Variants in MYO6 observed in about 807,000 individuals in gnomAD.
MYO6 encodes the protein myosin VI, also known as unconventional myosin-VI.
Under a neutral mutation model 178.7 loss-of-function variants are expected in MYO6, and 74 were observed. That is an observed-to-expected ratio of 0.41 (90% confidence interval 0.34 to 0.50). MYO6 has a LOEUF of 0.50. MYO6 is among the 20% of genes least tolerant of loss of function. The pLI, the probability that MYO6 is intolerant of heterozygous loss-of-function variation, is 0.09. For synonymous variants in MYO6, 477 were observed against 504.6 expected (o/e 0.95, Z 0.73); for missense variants, 1,330 against 1,547.4 (o/e 0.86, Z 2.36).
Position 75,895,274 on chromosome 6 carries a change from C to T in MYO6, c.3137+14C>T, listed in dbSNP as rs2149380940. On this transcript the variant is annotated intron_variant, in intron 29 of 34. Transcript: ENST00000369977. The stretch of plus-strand genomic sequence containing the variant: ...CAAAATGACACCGTATGTCACTTAC[C>T]TTTACCTTTTTAAAAATAGGTTGTA... 6.3e-7 allele frequency: 1 copy of T among 1,599,680 alleles called. No homozygotes were observed. Among genetic ancestry groups the T allele is most frequent in the South Asian group, 1.1e-5 (1 of 90,254 alleles).
At chr6:75,781,910 T>TC (rs1204429470) in intron 1 of MYO6, among the ~76,000 whole-genome samples, 3 of 90,586 alleles carry the variant, frequency 3.3e-5, no homozygotes, top group East Asian at 3.6e-4. Flanking sequence ...TGAGCAAGAC[T>TC]CCATCTCAAA....
At chr6:75,788,068 A>G (rs373405517) in intron 1 of MYO6, among the ~76,000 whole-genome samples, 6 of 151,918 alleles carry the variant, frequency 3.9e-5, no homozygotes, top group Admixed American at 3.9e-4. Flanking sequence ...CCTATTCTGT[A>G]TCTTGAACTG....
chr6:75,908,208 T>A (rs1486311832), intron 31 of MYO6, among the ~76,000 whole-genome samples: 1 of 152,206 alleles, frequency 6.6e-6, no homozygotes, highest in Non-Finnish European at 1.5e-5. Context: ...TTCGACAAAT[T>A]GCTTAATGTT....
At chr6:75,764,471 A>T (rs531512408) in intron 1 of MYO6, among the ~76,000 whole-genome samples, 1 of 152,194 alleles carries the variant, frequency 6.6e-6, no homozygotes, top group Non-Finnish European at 1.5e-5. Flanking sequence ...CAAATTTACT[A>T]TTTGGAATTA....
In MYO6 at chr6:75,869,322, C is replaced by CTCAGTATA. The variant is rs1394691244; in HGVS notation, c.1945-1324_1945-1323insCAGTATAT. 2.0e-5 allele frequency among the ~76,000 whole-genome samples: 3 copies of CTCAGTATA among 152,140 alleles called. No individual in the cohort carries two copies. The East Asian group carries it at 5.8e-4, about 29-fold the overall frequency. ...AGCTTCTCAGTATATGTGATGTATA[C>CTCAGTATA]TGTAATAGTATCACTCACAGGAGAA... On this transcript the variant is annotated intron_variant, in intron 18 of 34. Coordinates refer to ENST00000369977, the MANE Select transcript of MYO6 (RefSeq NM_004999.4).
intron 1 of MYO6, among the ~76,000 whole-genome samples, chr6:75,771,001 T>TC (rs1765830491): frequency 6.6e-6 from 1 of 151,530 alleles, no homozygotes; most frequent in Non-Finnish European, 1.5e-5. Flanking sequence ...CTTTTTTTTT[T>TC]CTTTTTTTTT....
intron 23 of MYO6, among the ~76,000 whole-genome samples, chr6:75,882,296 T>G (rs1778102751): frequency 1.3e-5 from 2 of 152,224 alleles, no homozygotes; most frequent in African/African-American, 4.8e-5. Context: ...AGTGAAGTCC[T>G]TTTCCACCTT....
At chr6:75,845,825 A>C (rs935114051) in intron 10 of MYO6, among the ~76,000 whole-genome samples, 1 of 151,968 alleles carries the variant, frequency 6.6e-6, no homozygotes, top group Non-Finnish European at 1.5e-5. Context: ...TCTCTACCAA[A>C]AAATTACAAA....
intron 2 of MYO6, among the ~76,000 whole-genome samples, chr6:75,820,759 T>C (rs548327790): frequency 1.3e-5 from 2 of 152,328 alleles, no homozygotes; most frequent in South Asian, 4.1e-4. Flanking sequence ...TTTCTACAGA[T>C]ACCCAATCTC....
intron 11 of MYO6, among the ~76,000 whole-genome samples, chr6:75,849,320 T>C (rs1775036775): frequency 1.3e-5 from 2 of 152,192 alleles, no homozygotes; most frequent in South Asian, 4.1e-4. Context: ...AGAAAAAGAT[T>C]GTCAACCCCT....
chr6:75,863,626 T>C (rs1455158779), intron 16 of MYO6, among the ~76,000 whole-genome samples: 4 of 152,016 alleles, frequency 2.6e-5, no homozygotes, highest in South Asian at 2.1e-4. Context: ...ACTGGGATTA[T>C]AGGCATGCAC....
chr6:75,870,537 T>G, intron 18 of MYO6, 110 bp from the exon 19 acceptor site: 1 of 837,374 alleles, frequency 1.2e-6, no homozygotes, highest in Non-Finnish European at 2.0e-6. Context: ...GTGTTGTATT[T>G]GGATGTTATT....
In MYO6 at chr6:75,792,184, A is replaced by C. The variant is rs528116259; in HGVS notation, c.-47-25317A>C. On this transcript the variant is annotated intron_variant, in intron 1 of 34. Transcript: ENST00000369977. ...TGATGTTCTGCCGAAAAATTGGTTC[A>C]TCAGTCGGTTATAATTACTGTTGCT... is the stretch of plus-strand genomic sequence containing the variant. 1.4e-4 allele frequency among the ~76,000 whole-genome samples: 21 copies of C among 152,328 alleles called. No homozygotes were observed. In the East Asian group the frequency reaches 3.9e-3, roughly 28 times the overall value.
chr6:75,762,662 T>C (rs1778054963), intron 1 of MYO6, among the ~76,000 whole-genome samples: 1 of 152,220 alleles, frequency 6.6e-6, no homozygotes, highest in Non-Finnish European at 1.5e-5. Flanking sequence ...AGACTCACCC[T>C]CAGATTTCTG....
At chr6:75,766,322 CAAAAAAAA>C (rs921433211) in intron 1 of MYO6, among the ~76,000 whole-genome samples, 1 of 149,022 alleles carries the variant, frequency 6.7e-6, no homozygotes, top group African/African-American at 2.5e-5. Context: ...GACTCTGTCT[CAAAAAAAA>C]GAAAAAAAGA....
intron 4 of MYO6, among the ~76,000 whole-genome samples, chr6:75,829,478 G>A (rs1280053): frequency 0.64 from 97,396 of 151,770 alleles, 32,877 homozygotes; most frequent in East Asian, 0.91. Flanking sequence ...ATCACTATCA[G>A]TTTGCCTAAT....
In MYO6 at chr6:75,915,069, T is replaced by G; in HGVS notation, c.*57T>G. The G allele has an allele frequency of 6.7e-7, 1 of 1,491,664 alleles. No individual in the cohort carries two copies. Among genetic ancestry groups the G allele is most frequent in the Non-Finnish European group, 9.2e-7 (1 of 1,087,396 alleles). The allele number at this position is 1,491,664 out of a possible 1,614,324, so 92.4% of individuals were successfully genotyped here. On this transcript the variant is annotated 3_prime_UTR_variant, in exon 35 of 35. Coordinates refer to ENST00000369977, the MANE Select transcript of MYO6 (RefSeq NM_004999.4). ...TTTGCCATGGTACTTAGGTAGGGTGTGTGCCCCCAGATTTAACCATTCCAT... is the reference window on the plus strand; with the variant it reads ...TTTGCCATGGTACTTAGGTAGGGTGGGTGCCCCCAGATTTAACCATTCCAT...
intron 1 of MYO6, among the ~76,000 whole-genome samples, chr6:75,764,562 G>A (rs1778235374): frequency 6.6e-6 from 1 of 152,102 alleles, no homozygotes; most frequent in African/African-American, 2.4e-5. Context: ...CCTAGATTGT[G>A]AATTACTGGA....
intron 23 of MYO6, among the ~76,000 whole-genome samples, chr6:75,882,104 A>ATC (rs1778082027): frequency 1.3e-5 from 2 of 151,830 alleles, no homozygotes; most frequent in African/African-American, 4.8e-5. Flanking sequence ...CCATCCCCTA[A>ATC]TCTCTCAGAC....
Sources: gnomAD v4.1 joint callset for allele counts (sites outside exome capture counted in the v4.1 genomes callset) on GRCh38, gnomAD v4.1.1 for gene constraint, MANE v1.5 for transcripts, NCBI Gene and HGNC (gene_info 2026-07-23, HGNC 2026-07-21) for gene names.